MAD1L1: variants seen among roughly 807,000 people sequenced by gnomAD.
The protein encoded by MAD1L1 is mitotic spindle assembly checkpoint protein MAD1.
A neutral mutation model predicts 96.9 loss-of-function variants in MAD1L1; 95 were observed. That is an observed-to-expected ratio of 0.98 (90% CI 0.83 to 1.16). The LOEUF is 1.16. Among genes scored for constraint, MAD1L1 ranks in the 50% most tolerant of loss-of-function variants. MAD1L1 has a pLI of 0.00. For missense variants in MAD1L1, 1,007 were observed against 954.4 expected (o/e 1.06, Z -0.73); for synonymous variants, 473 against 396.6 (o/e 1.19, Z -2.29).
intron 18 of MAD1L1, among the ~76,000 whole-genome samples, chr7:1,888,012 C>CAT (rs55900835): frequency 0.68 from 100,359 of 147,848 alleles, 34,165 homozygotes; most frequent in African/African-American, 0.78. Context: ...GCTGCCTGTA[C>CAT]GTGTGTGTGC....
chr7:2,019,849 C>A (rs1562613159), intron 12 of MAD1L1, among the ~76,000 whole-genome samples: 1 of 152,214 alleles, frequency 6.6e-6, no homozygotes, highest in Non-Finnish European at 1.5e-5. Context: ...CAGAACGCTT[C>A]GCCTCCTGTC....
At chr7:2,005,118 C>T (rs899322045) in intron 13 of MAD1L1, among the ~76,000 whole-genome samples, 2 of 152,160 alleles carry the variant, frequency 1.3e-5, no homozygotes, top group African/African-American at 2.4e-5. Flanking sequence ...TCGGCTCACA[C>T]GCAGGGCCCT....
chr7:1,935,965 G>A (rs1029662999), intron 17 of MAD1L1, among the ~76,000 whole-genome samples: 28 of 152,248 alleles, frequency 1.8e-4, no homozygotes, highest in African/African-American at 3.9e-4. Context: ...AACCAGGAGC[G>A]TGGGGCAGTG....
chr7:2,008,279 A>G (rs897632028), intron 13 of MAD1L1, among the ~76,000 whole-genome samples: 6 of 152,210 alleles, frequency 3.9e-5, no homozygotes, highest in African/African-American at 1.4e-4. Flanking sequence ...TGGTCTCGGT[A>G]GGGTTCCTCC....
At chr7:1,939,463 G>C (rs1778834199) in intron 16 of MAD1L1, among the ~76,000 whole-genome samples, 1 of 151,982 alleles carries the variant, frequency 6.6e-6, no homozygotes, top group African/African-American at 2.4e-5. Flanking sequence ...TGGGCACCCG[G>C]TCCCTCAGGC....
chr7:2,205,437 T>A (rs560024845), intron 10 of MAD1L1, among the ~76,000 whole-genome samples: 1 of 152,136 alleles, frequency 6.6e-6, no homozygotes, highest in Non-Finnish European at 1.5e-5. Context: ...TTTCAGCAGA[T>A]CAAGAGATGC....
chr7:2,172,999 C>T (rs561033038), intron 10 of MAD1L1, among the ~76,000 whole-genome samples: 1 of 152,316 alleles, frequency 6.6e-6, no homozygotes, highest in Admixed American at 6.5e-5. Context: ...CATTCCCAGT[C>T]GAATCTCCTT....
intron 11 of MAD1L1, among the ~76,000 whole-genome samples, chr7:2,141,738 G>A (rs1228651469): frequency 2.0e-5 from 3 of 152,212 alleles, no homozygotes; most frequent in Non-Finnish European, 4.4e-5. Context: ...GGAGCGGGCG[G>A]CTGCACATGC....
Position 1,865,038 on chromosome 7 carries a change from C to T in MAD1L1, c.1998+33162G>A, listed in dbSNP as rs530542852. Among the ~76,000 whole-genome samples the T allele has an allele frequency of 7.9e-4, 120 of 152,316 alleles. 1 individual carries two copies. Among genetic ancestry groups the T allele is most frequent in the Middle Eastern group, 3.4e-3 (1 of 294 alleles). On this transcript the variant is annotated intron_variant, in intron 18 of 18. Coordinates refer to ENST00000265854, the MANE Select transcript of MAD1L1 (RefSeq NM_001013836.2). ...GCCCGCAGCTCAAGTCCCCACCTCACGCCCACTGACCACGCTCTCACTTGT... is the reference window on the plus strand; with the variant it reads ...GCCCGCAGCTCAAGTCCCCACCTCATGCCCACTGACCACGCTCTCACTTGT...
At chr7:1,975,042 G>A (rs930612198) in intron 15 of MAD1L1, among the ~76,000 whole-genome samples, 3 of 152,248 alleles carry the variant, frequency 2.0e-5, no homozygotes, top group Non-Finnish European at 2.9e-5. Context: ...TGTCGCTACC[G>A]GCAGCCAGGC....
rs1789370873 is a variant in MAD1L1 at position 2,147,557 on chromosome 7, C to G, written c.1073+1595G>C. ...GCGCAGTACTGAGGACCTCGTCTCACCCCCAAGACCCCATTTCACAGAACA... is the reference window on the plus strand; with the variant it reads ...GCGCAGTACTGAGGACCTCGTCTCAGCCCCAAGACCCCATTTCACAGAACA... On this transcript the variant is annotated intron_variant, in intron 11 of 18. Coordinates refer to ENST00000265854, the MANE Select transcript of MAD1L1 (RefSeq NM_001013836.2). Among the ~76,000 whole-genome samples the G allele has an allele frequency of 2.0e-5, 3 of 152,352 alleles. No homozygotes were observed. In the South Asian group the frequency reaches 6.2e-4, roughly 32 times the overall value.
chr7:1,847,773 A>G (rs1360207030), intron 18 of MAD1L1: 4 of 456,580 alleles, frequency 8.8e-6, no homozygotes, highest in Admixed American at 7.1e-5. Context: ...CGTGCTGTGT[A>G]CAAGAATGAA....
intron 10 of MAD1L1, among the ~76,000 whole-genome samples, chr7:2,162,450 C>A (rs1403413393): frequency 6.6e-6 from 1 of 151,562 alleles, no homozygotes; most frequent in African/African-American, 2.4e-5. Flanking sequence ...ACAAACACTG[C>A]GGAAGGCCGC....
chr7:2,037,861 G>A (rs1457272473), intron 12 of MAD1L1, among the ~76,000 whole-genome samples: 1 of 152,126 alleles, frequency 6.6e-6, no homozygotes, highest in Non-Finnish European at 1.5e-5. Context: ...CAGCCTCTAA[G>A]CATTCAAGAG....
chr7:1,998,725 C>G (rs1781663341), intron 14 of MAD1L1, among the ~76,000 whole-genome samples: 1 of 151,146 alleles, frequency 6.6e-6, no homozygotes. Flanking sequence ...TGTCCCCCAC[C>G]AACCCCCTGC....
At chr7:2,043,724 G>C (rs971772262) in intron 12 of MAD1L1, among the ~76,000 whole-genome samples, 1 of 152,216 alleles carries the variant, frequency 6.6e-6, no homozygotes, top group African/African-American at 2.4e-5. Context: ...TTTCTCGAGA[G>C]TGGGGGCAGC....
At chr7:1,850,951 C>T (rs139067555) in intron 18 of MAD1L1, among the ~76,000 whole-genome samples, 145 of 152,324 alleles carry the variant, frequency 9.5e-4, no homozygotes, top group African/African-American at 3.0e-3. Flanking sequence ...CAGGAAGAGA[C>T]ACGAGAAGGG....
rs190961317 is a variant in MAD1L1 at position 2,146,081 on chromosome 7, G to C, written c.1073+3071C>G. On this transcript the variant is annotated intron_variant, in intron 11 of 18. Coordinates refer to ENST00000265854, the MANE Select transcript of MAD1L1 (RefSeq NM_001013836.2). This position sits in a 1 kb window ranked among gnomAD's most constrained non-coding sequence, Gnocchi z 6.2. ...TAGGCTGCTCACAGCGGCACACTACGCCGGCTGATAGGCAACATTCATCTT... is the reference window on the plus strand; with the variant it reads ...TAGGCTGCTCACAGCGGCACACTACCCCGGCTGATAGGCAACATTCATCTT... 8.5e-5 allele frequency among the ~76,000 whole-genome samples: 13 copies of C among 152,256 alleles called. 1 individual carries two copies. In the East Asian group the frequency reaches 2.5e-3, roughly 29 times the overall value.
intron 16 of MAD1L1, among the ~76,000 whole-genome samples, chr7:1,957,375 G>A (rs1779769498): frequency 6.6e-6 from 1 of 152,228 alleles, no homozygotes; most frequent in African/African-American, 2.4e-5. Flanking sequence ...GTGCAAATCT[G>A]CCCAGAGCCC....
Sources: gnomAD v4.1 joint callset for allele counts (sites outside exome capture counted in the v4.1 genomes callset) on GRCh38, gnomAD v4.1.1 for gene constraint, Gnocchi (gnomAD v3.1) non-coding constraint, MANE v1.5 for transcripts, NCBI Gene and HGNC (gene_info 2026-07-23, HGNC 2026-07-21) for gene names.